Variants in ANKFN1 observed in about 807,000 individuals in gnomAD.
ANKFN1 encodes ankyrin repeat and fibronectin type III domain containing 1.
Under a neutral mutation model 108.7 loss-of-function variants are expected in ANKFN1, and 74 were observed. The ratio of observed to expected loss-of-function variants is 0.68; its 90% CI spans 0.56 to 0.83. ANKFN1 has a LOEUF of 0.83. Among genes scored for constraint, ANKFN1 ranks in the 40% least tolerant of loss-of-function variants. The pLI is 0.00. For synonymous variants in ANKFN1, 547 were observed against 516.2 expected (o/e 1.06, Z -0.81); for missense variants, 1,505 against 1,382.3 (o/e 1.09, Z -1.41).
intron 1 of ANKFN1, among the ~76,000 whole-genome samples, chr17:56,176,496 C>A (rs191764312): frequency 6.6e-6 from 1 of 152,146 alleles, no homozygotes; most frequent in Non-Finnish European, 1.5e-5. Context: ...CCATTCAATG[C>A]GCACAAGGAG....
At chr17:56,085,919 A>G (rs1450460286) in intron 4 of ANKFN1, among the ~76,000 whole-genome samples, 1 of 151,450 alleles carries the variant, frequency 6.6e-6, no homozygotes, top group East Asian at 1.9e-4. Context: ...TTTGAATTTA[A>G]GACACACAAA....
intron 3 of ANKFN1, among the ~76,000 whole-genome samples, chr17:56,259,546 G>A (rs76468683): frequency 0.015 from 2,210 of 152,126 alleles, 46 homozygotes; most frequent in African/African-American, 0.05. Flanking sequence ...AAAATGAAAA[G>A]GTTGGGGTAG....
At position 56,136,523 on chromosome 17, in the gene ANKFN1, G is replaced by A. The variant is rs560034882; in HGVS notation, c.288+90198G>A. On this transcript the variant is annotated intron_variant, in intron 4 of 12. Coordinates refer to the ANKFN1 transcript ENST00000635860. ...AGACAATTCTGCCCTGATCAACAGA[G>A]TGGAAACAGGGTTTTTGTCAGAGAG... Among the ~76,000 whole-genome samples, 4 of 152,312 alleles carry A rather than the reference G, an allele frequency of 2.6e-5. No individual in the cohort carries two copies. The South Asian group carries it at 8.3e-4, about 32-fold the overall frequency.
At chr17:56,489,086 G>C (rs2145406989) in intron 18 of ANKFN1, among the ~76,000 whole-genome samples, 1 of 152,328 alleles carries the variant, frequency 6.6e-6, no homozygotes, top group Non-Finnish European at 1.5e-5. Context: ...GCAGAAGTAT[G>C]GTTCAAACCC....
At chr17:56,367,959 G>T in intron 6 of ANKFN1, 1 of 206,268 alleles carries the variant, frequency 4.8e-6, no homozygotes, top group Non-Finnish European at 1.0e-5. Context: ...AAAATCCACC[G>T]AGTTCTTTAA....
At chr17:56,189,462 G>A (rs968948850) in intron 1 of ANKFN1, among the ~76,000 whole-genome samples, 3 of 152,054 alleles carry the variant, frequency 2.0e-5, no homozygotes, top group Non-Finnish European at 2.9e-5. Flanking sequence ...GAGCCACCGC[G>A]CCCGGCCTGC....
At chr17:56,170,921 C>T (rs1165642284) in intron 1 of ANKFN1, among the ~76,000 whole-genome samples, 1 of 150,774 alleles carries the variant, frequency 6.6e-6, no homozygotes, top group Non-Finnish European at 1.5e-5. Context: ...ACATACATCC[C>T]TATTTTCTCA....
chr17:56,122,484 A>G (rs1906685286), intron 4 of ANKFN1, among the ~76,000 whole-genome samples: 1 of 152,182 alleles, frequency 6.6e-6, no homozygotes, highest in Non-Finnish European at 1.5e-5. Context: ...TTAGAAGCAT[A>G]GTATGTATAC....
chr17:56,434,595 A>C (rs1193416100), intron 8 of ANKFN1, among the ~76,000 whole-genome samples: 1 of 152,224 alleles, frequency 6.6e-6, no homozygotes, highest in Admixed American at 6.5e-5. Flanking sequence ...TTTAAAATAA[A>C]AAATGCAAGC....
At chr17:56,361,174 A>T (rs924514885) in intron 6 of ANKFN1, among the ~76,000 whole-genome samples, 5 of 151,898 alleles carry the variant, frequency 3.3e-5, no homozygotes, top group South Asian at 2.1e-4. Context: ...TTTTCTTTTT[A>T]AAAAAATTTT....
intron 1 of ANKFN1, among the ~76,000 whole-genome samples, chr17:56,195,158 C>T (rs959455771): frequency 2.0e-5 from 3 of 152,204 alleles, no homozygotes; most frequent in South Asian, 2.1e-4. Context: ...CTTCAAACTC[C>T]TCCATCTAGA....
intron 4 of ANKFN1, among the ~76,000 whole-genome samples, chr17:56,342,287 GTC>G (rs2144626472): frequency 6.9e-6 from 1 of 145,460 alleles, no homozygotes; most frequent in South Asian, 2.2e-4. Context: ...GGTTTTTCAT[GTC>G]TCTACCTCCT....
intron 1 of ANKFN1, among the ~76,000 whole-genome samples, chr17:56,155,660 G>A (rs1383876355): frequency 6.6e-6 from 1 of 152,092 alleles, no homozygotes; most frequent in Non-Finnish European, 1.5e-5. Flanking sequence ...TTGATTTGGG[G>A]AGTCAGCTTG....
rs554527752 is a variant in ANKFN1 at position 56,224,398 on chromosome 17, C to T, written c.13-3519C>T. Among the ~76,000 whole-genome samples, 9 of 152,282 alleles carry T rather than the reference C, an allele frequency of 5.9e-5. No homozygotes were observed. The East Asian group carries it at 1.5e-3, about 26-fold the overall frequency. ...CAGAATAAGAGTACAGTAGCCACCT[C>T]ATCTCAACATTCATAATCTTGAACA... is the stretch of plus-strand genomic sequence containing the variant. On this transcript the variant is annotated intron_variant, in intron 2 of 20. Coordinates refer to ENST00000682825, the MANE Select transcript of ANKFN1 (RefSeq NM_001370326.1).
intron 4 of ANKFN1, among the ~76,000 whole-genome samples, chr17:56,115,968 T>C (rs1598103779): frequency 1.3e-5 from 2 of 152,284 alleles, no homozygotes; most frequent in East Asian, 3.9e-4. Context: ...CAACACTGAA[T>C]GTTCCATTTC....
intron 15 of ANKFN1, among the ~76,000 whole-genome samples, chr17:56,467,658 C>T (rs1013309101): frequency 9.4e-5 from 12 of 127,702 alleles, no homozygotes; most frequent in Admixed American, 3.6e-4. Flanking sequence ...GCCTGGGTGA[C>T]GGAGTGAGAA....
At position 56,482,387 on chromosome 17, in the gene ANKFN1, T is replaced by C; in HGVS notation, c.2123T>C (p.Val708Ala). 2 of 1,611,376 alleles carry C rather than the reference T, an allele frequency of 1.2e-6. No individual in the cohort carries two copies. Among genetic ancestry groups the C allele is most frequent in the Non-Finnish European group, 1.7e-6 (2 of 1,178,662 alleles). Residue 708 changes from valine (V) to alanine (A), a missense_variant, in exon 18 of 21, where the codon GTG becomes GCG. Coordinates refer to ENST00000682825, the MANE Select transcript of ANKFN1 (RefSeq NM_001370326.1). ...ARNFRLYTQE[V>A]LEMGHNVSFL... is the part of the protein sequence containing the mutation. ...AACTTCCGCCTCTACACACAGGAGG[T>C]GTTGGAAATGGGTCACAATGTGTCC...
intron 8 of ANKFN1, among the ~76,000 whole-genome samples, chr17:56,394,793 C>T (rs1462657482): frequency 6.6e-6 from 1 of 152,196 alleles, no homozygotes; most frequent in Non-Finnish European, 1.5e-5. Flanking sequence ...TTCTAGGTCA[C>T]CTTCTCCCTG....
intron 4 of ANKFN1, among the ~76,000 whole-genome samples, chr17:56,049,669 A>T (rs1192116991): frequency 1.3e-5 from 2 of 148,688 alleles, no homozygotes; most frequent in African/African-American, 5.2e-5. Flanking sequence ...GCGATAGTTT[A>T]CCGAGAATGA....
Sources: allele counts gnomAD v4.1 joint callset (sites outside exome capture counted in the v4.1 genomes callset), GRCh38; gene constraint gnomAD v4.1.1; transcripts MANE v1.5; gene names NCBI Gene and HGNC (gene_info 2026-07-23, HGNC 2026-07-21).